TEK: variants seen among roughly 807,000 people sequenced by gnomAD.
TEK encodes TEK receptor tyrosine kinase.
Under a neutral mutation model 131.8 loss-of-function variants are expected in TEK, and 43 were observed. The ratio of observed to expected loss-of-function variants is 0.33; its 90% confidence interval spans 0.26 to 0.42. The LOEUF (loss-of-function observed/expected upper bound fraction) is 0.42. Among genes scored for constraint, TEK ranks in the 10% least tolerant of loss-of-function variants. TEK has a pLI of 1.00. For synonymous variants in TEK, 580 were observed against 491.6 expected (o/e 1.18, Z -2.38); for missense variants, 1,162 against 1,384.4 (o/e 0.84, Z 2.55).
At chr9:27,167,836 T>G (rs944777175) in intron 2 of TEK, among the ~76,000 whole-genome samples, 4 of 151,518 alleles carry the variant, frequency 2.6e-5, no homozygotes, top group Non-Finnish European at 5.9e-5. Flanking sequence ...CTCTTTCACT[T>G]TGGGGAAACT....
chr9:27,192,079 C>G (rs1368685729), intron 10 of TEK: 6 of 397,898 alleles, frequency 1.5e-5, no homozygotes, highest in Non-Finnish European at 2.9e-5. Flanking sequence ...TCATTTTGAG[C>G]AAACCTCCTA....
At chr9:27,213,749 T>C in intron 18 of TEK, 152 bp downstream of exon 18, 1 of 677,038 alleles carries the variant, frequency 1.5e-6, no homozygotes, top group Non-Finnish European at 2.7e-6. Flanking sequence ...ACATTCTTTC[T>C]AAATGTTGGT....
chr9:27,223,304 C>G (rs1826167851), intron 21 of TEK, among the ~76,000 whole-genome samples: 1 of 152,188 alleles, frequency 6.6e-6, no homozygotes, highest in Admixed American at 6.5e-5. Context: ...ACTCTCCACC[C>G]CAAATCAACA....
chr9:27,199,130 G>A (rs960763171), intron 12 of TEK, among the ~76,000 whole-genome samples: 1 of 152,138 alleles, frequency 6.6e-6, no homozygotes, highest in Non-Finnish European at 1.5e-5. Context: ...ATCTCTGAAA[G>A]TATACACATG....
chr9:27,209,104 C>G lies in TEK; in HGVS notation c.2576-17C>G, dbSNP rs1375414977. The G allele has an allele frequency of 1.9e-6, 3 of 1,581,138 alleles. No individual in the cohort carries two copies. Among genetic ancestry groups the G allele is most frequent in the East Asian group, 2.2e-5 (1 of 44,664 alleles). On this transcript the variant is annotated splice_polypyrimidine_tract_variant and intron_variant, in intron 15 of 22. Transcript: ENST00000380036. ...GGTGTAACAAAGAAGAATCACAACC[C>G]TTGACTTTCTTCCCAGAATATGCCT...
At chr9:27,202,320 T>C (rs1022880989) in intron 12 of TEK, among the ~76,000 whole-genome samples, 1 of 152,222 alleles carries the variant, frequency 6.6e-6, no homozygotes, top group Non-Finnish European at 1.5e-5. Flanking sequence ...ACTAAGACTA[T>C]GGACTACAGA....
chr9:27,157,810 A>G, intron 1 of TEK, 21 bp from the exon 2 acceptor site: 1 of 1,613,674 alleles, frequency 6.2e-7, no homozygotes, highest in South Asian at 1.1e-5. Context: ...GTCATACATT[A>G]TTGTCTCTCT....
At chr9:27,118,786 TTGGTTCAAACAGAAGA>T (rs1821668613) in intron 1 of TEK, among the ~76,000 whole-genome samples, 3 of 152,188 alleles carry the variant, frequency 2.0e-5, no homozygotes, top group African/African-American at 7.2e-5. Context: ...ACAACAGCAG[TTGGTTCAAACAGAAGA>T]TGCACAACCC....
rs531334474 is a variant in TEK, at chr9:27,213,742, T to A, written c.2991+145T>A. On this transcript the variant is annotated intron_variant, in intron 18 of 22. Coordinates refer to ENST00000380036, the MANE Select transcript of TEK (RefSeq NM_000459.5). ...TAGATACTGTGTGCCCTGGGAAACA[T>A]TCTTTCTAAATGTTGGTTCCTAACA... 12 of 691,010 alleles carry A rather than the reference T, an allele frequency of 1.7e-5. No individual in the cohort carries two copies. The African/African-American group carries it at 2.1e-4, about 12-fold the overall frequency. 42.8% of individuals were successfully genotyped at this position (691,010 alleles called of 1,614,324 possible). A position where few individuals can be genotyped will look rare whatever the true frequency, so the allele number is the denominator to read the frequency against.
In TEK at chr9:27,129,470, C is replaced by T. The variant is rs78411354; in HGVS notation, c.52+19828C>T. Among the ~76,000 whole-genome samples the T allele has an allele frequency of 7.6e-3, 1,156 of 152,274 alleles. 16 individuals carry two copies. The highest frequency in any genetic ancestry group is 0.026 in the African/African-American group (1,100 of 41,538). On this transcript the variant is annotated intron_variant, in intron 1 of 22. Transcript: ENST00000380036. ...AAATTCCAGTTTTGCACATACATCC[C>T]CATGCCACTTCCCCCTTGCATATAT...
intron 7 of TEK, among the ~76,000 whole-genome samples, chr9:27,181,734 GA>G (rs1221546482): frequency 2.6e-5 from 4 of 152,166 alleles, no homozygotes; most frequent in Non-Finnish European, 4.4e-5. Flanking sequence ...TCTCTTTACA[GA>G]AAATGTTTGC....
chr9:27,131,598 C>T (rs1397838567), intron 1 of TEK, among the ~76,000 whole-genome samples: 2 of 150,574 alleles, frequency 1.3e-5, no homozygotes, highest in South Asian at 2.1e-4. Context: ...TCGTTTGAGC[C>T]TAGGAGTTTG....
Position 27,185,714 on chromosome 9 carries a change from C to G in TEK, c.1327+85C>G. 9.1e-6 allele frequency: 14 copies of G among 1,543,196 alleles called. No homozygotes were observed. In the South Asian group the frequency reaches 1.6e-4, roughly 18 times the overall value. ...TGCTTCTAGACAGAAATGTATGCGACCACTAAAATACCTTTGGGGTAATTT... is the reference window on the plus strand; with the variant it reads ...TGCTTCTAGACAGAAATGTATGCGAGCACTAAAATACCTTTGGGGTAATTT... On this transcript the variant is annotated intron_variant, in intron 9 of 22. Coordinates refer to ENST00000380036, the MANE Select transcript of TEK (RefSeq NM_000459.5).
intron 1 of TEK, among the ~76,000 whole-genome samples, chr9:27,132,430 TA>T (rs1208435395): frequency 6.6e-6 from 1 of 152,208 alleles, no homozygotes; most frequent in Non-Finnish European, 1.5e-5. Context: ...TCAGGACTGC[TA>T]TTTTGAGTAC....
intron 2 of TEK, among the ~76,000 whole-genome samples, chr9:27,163,694 G>T (rs1296697665): frequency 6.6e-6 from 1 of 152,180 alleles, no homozygotes; most frequent in Non-Finnish European, 1.5e-5. Flanking sequence ...CCTTGGGTAA[G>T]GGACTTAGTC....
At chr9:27,204,629 ATAAAAGT>A (rs958781525) in intron 13 of TEK, among the ~76,000 whole-genome samples, 3 of 152,182 alleles carry the variant, frequency 2.0e-5, no homozygotes, top group Non-Finnish European at 2.9e-5. Flanking sequence ...CTACTTGGAA[ATAAAAGT>A]TGAACAAATG....
At chr9:27,151,790 G>C (rs569525112) in intron 1 of TEK, among the ~76,000 whole-genome samples, 2 of 152,220 alleles carry the variant, frequency 1.3e-5, no homozygotes, top group Non-Finnish European at 2.9e-5. Flanking sequence ...CAATAAGTCT[G>C]CGTGGTAAGT....
intron 7 of TEK, among the ~76,000 whole-genome samples, chr9:27,180,671 T>A (rs557540326): frequency 6.6e-6 from 1 of 152,146 alleles, no homozygotes; most frequent in Non-Finnish European, 1.5e-5. Flanking sequence ...AGGACCAACC[T>A]TTTCCCTGGA....
At chr9:27,224,817 G>A (rs1250235789) in intron 21 of TEK, among the ~76,000 whole-genome samples, 2 of 152,224 alleles carry the variant, frequency 1.3e-5, no homozygotes, top group African/African-American at 2.4e-5. Flanking sequence ...AAGTCAAACT[G>A]TCTCTGTCTG....
Sources: gnomAD v4.1 joint callset for allele counts (sites outside exome capture counted in the v4.1 genomes callset) on GRCh38, gnomAD v4.1.1 for gene constraint, MANE v1.5 for transcripts, NCBI Gene and HGNC (gene_info 2026-07-23, HGNC 2026-07-21) for gene names.